The following PRKDC variants were observed in gnomAD, a reference collection of about 807,000 sequenced individuals.
PRKDC encodes protein kinase, DNA-activated, catalytic subunit.
In PRKDC, 82 loss-of-function variants were observed where a neutral mutation model predicts 486.9. The observed-to-expected ratio is 0.17, with a 90% CI of 0.14 to 0.20. PRKDC has a LOEUF of 0.20. PRKDC is among the 10% of genes least tolerant of loss of function. The pLI is 1.00. For synonymous variants in PRKDC, 1,895 were observed against 1,837.0 expected (o/e 1.03, Z -0.81); for missense variants, 4,504 against 5,038.2 (o/e 0.89, Z 3.21).
At chr8:47,956,662 CACTGCACT>C (rs1458075891) in intron 3 of PRKDC, among the ~76,000 whole-genome samples, 3 of 151,834 alleles carry the variant, frequency 2.0e-5, no homozygotes, top group Non-Finnish European at 4.4e-5. Context: ...ATGATTGCAC[CACTGCACT>C]CCAGCCTGGA....
Position 47,954,713 on chromosome 8 carries a change from G to C in PRKDC, c.400-267C>G, listed in dbSNP as rs1231204. On this transcript the variant is annotated intron_variant, in intron 4 of 85. Transcript: ENST00000314191. ...GGGAAGAATGCTCTAGGTGTGTTAC[G>C]TTCCCAAGAAACCAACAACATGACT... Among the ~76,000 whole-genome samples, 147,009 of 152,234 alleles carry C rather than the reference G, an allele frequency of 0.97. 70,996 individuals are homozygous for C. Among genetic ancestry groups the C allele is most frequent in the East Asian group, 1 (5,170 of 5,170 alleles).
At chr8:47,862,297 T>C (rs975658996) in intron 43 of PRKDC, 76 bp downstream of exon 43, 43 of 1,464,988 alleles carry the variant, frequency 2.9e-5, no homozygotes, top group Non-Finnish European at 3.9e-5. Flanking sequence ...GTATAAATTA[T>C]CTGTAAGTTT....
chr8:47,910,266 A>C (rs563669726), intron 25 of PRKDC, among the ~76,000 whole-genome samples: 1 of 152,222 alleles, frequency 6.6e-6, no homozygotes, highest in African/African-American at 2.4e-5. Flanking sequence ...CCCCTGGTCA[A>C]TAAGTATTTG....
chr8:47,897,060 T>C (rs771157164), intron 30 of PRKDC, 101 bp downstream of exon 30: 45 of 1,253,308 alleles, frequency 3.6e-5, no homozygotes, highest in Non-Finnish European at 4.8e-5. Context: ...CTGAATACCA[T>C]GTTAACTGCA....
At chr8:47,859,828 T>A in intron 45 of PRKDC, 69 bp from the exon 46 acceptor site, 2 of 1,408,220 alleles carry the variant, frequency 1.4e-6, no homozygotes, top group Non-Finnish European at 1.9e-6. Context: ...TTTCTCTAAA[T>A]TCAAATGATA....
Position 47,891,774 on chromosome 8 carries a change from T to C in PRKDC, c.3848-1294A>G, listed in dbSNP as rs541612542. Among the ~76,000 whole-genome samples the C allele has an allele frequency of 5.3e-5, 8 of 152,310 alleles. No homozygotes were observed. The East Asian group carries it at 5.8e-4, about 11-fold the overall frequency. On this transcript the variant is annotated intron_variant, in intron 31 of 85. Transcript: ENST00000314191. Reference sequence around the variant, plus strand: ...AAATATCCTTGAATCCAATAGAATATTGGATTGTAAGACACACTGCAACCA... The same window carrying C: ...AAATATCCTTGAATCCAATAGAATACTGGATTGTAAGACACACTGCAACCA...
At chr8:47,942,737 C>T (rs1264384214) in intron 10 of PRKDC, among the ~76,000 whole-genome samples, 1 of 152,230 alleles carries the variant, frequency 6.6e-6, no homozygotes, top group Non-Finnish European at 1.5e-5. Context: ...GTCTCCTCAG[C>T]CGACCAGACA....
chr8:47,797,810 A>C (rs974103832), intron 73 of PRKDC, among the ~76,000 whole-genome samples: 1 of 152,174 alleles, frequency 6.6e-6, no homozygotes, highest in Non-Finnish European at 1.5e-5. Context: ...CCCTCTGGAC[A>C]CCGTGCTGCT....
Position 47,794,315 on chromosome 8 carries a change from G to T in PRKDC, c.10645C>A (p.His3549Asn), listed in dbSNP as rs774139863. The change falls in exon 74 of 86, where the codon CAT becomes AAT. Residue 3549 changes from histidine (H) to asparagine (N), a missense_variant. Physicochemically the swap from His to Asn is moderately conservative, Grantham distance 68. Transcript: ENST00000314191. ...SYSFKDTSTG[H>N]KNKEFVARIK... ...CTTGCCACAAACTCCTTATTCTTAT[G>T]ACCAGTAGAAGTATCCTTGAAGGAA... is the stretch of plus-strand genomic sequence containing the variant. The T allele has an allele frequency of 7.4e-6, 12 of 1,612,706 alleles. No individual in the cohort carries two copies. The highest frequency in any genetic ancestry group is 5.5e-5 in the South Asian group (5 of 90,822).
rs2088951363 is a variant in PRKDC at position 47,871,436 on chromosome 8, T to C, written c.5363+6288A>G. ...CAGGCGAAGACAGAGTGGTATGACA[T>C]ATTGAAGATGTTGAAGGAAAAACAT... On this transcript the variant is annotated intron_variant, in intron 40 of 85. Coordinates refer to ENST00000314191, the MANE Select transcript of PRKDC (RefSeq NM_006904.7). Among the ~76,000 whole-genome samples, 3 of 152,306 alleles carry C rather than the reference T, an allele frequency of 2.0e-5. No individual in the cohort carries two copies. In the South Asian group the frequency reaches 6.2e-4, roughly 32 times the overall value.
At chr8:47,861,808 A>G (rs2154500683) in intron 44 of PRKDC, among the ~76,000 whole-genome samples, 1 of 152,350 alleles carries the variant, frequency 6.6e-6, no homozygotes, top group Admixed American at 6.5e-5. Context: ...CTTCTGGGAT[A>G]TGTCCTAACA....
In PRKDC at chr8:47,817,505, A is replaced by G. The variant is rs543895647; in HGVS notation, c.9502T>C (p.Tyr3168His). ...KRLLNTWTNR[Y>H]PDAKMDPMNI... The stretch of plus-strand genomic sequence containing the variant: ...ATTGGGTCCATTTTAGCATCTGGAT[A>G]TCTGTTTGTCCAGGTGTTCAGAAGT... Residue 3168 changes from tyrosine (Y) to histidine (H), a missense_variant, in exon 68 of 86, where the codon TAT (tyrosine) becomes CAT (histidine). Physicochemically the swap from Tyr to His is moderately conservative, Grantham distance 83. Coordinates refer to ENST00000314191, the MANE Select transcript of PRKDC (RefSeq NM_006904.7). 6.2e-7 allele frequency: 1 copy of G among 1,608,470 alleles called. No homozygotes were observed. The highest frequency in any genetic ancestry group is 1.7e-5 in the Admixed American group (1 of 59,300).
At chr8:47,776,237 C>T (rs187725153) in intron 85 of PRKDC, among the ~76,000 whole-genome samples, 33 of 152,272 alleles carry the variant, frequency 2.2e-4, no homozygotes, top group Non-Finnish European at 3.7e-4. Flanking sequence ...CTTTTGCCAG[C>T]GCTATTTGTT....
chr8:47,917,415 GAGA>G (rs375785747), intron 22 of PRKDC, among the ~76,000 whole-genome samples: 21 of 152,152 alleles, frequency 1.4e-4, no homozygotes, highest in African/African-American at 2.2e-4. Flanking sequence ...ATAATGAGGT[GAGA>G]AGAACTGACC....
chr8:47,890,727 T>C (rs1479683537), intron 31 of PRKDC, among the ~76,000 whole-genome samples: 1 of 152,210 alleles, frequency 6.6e-6, no homozygotes, highest in African/African-American at 2.4e-5. Context: ...TAAATTAATA[T>C]GCTCATTTTA....
chr8:47,835,783 G>A (rs1222497291), intron 58 of PRKDC, among the ~76,000 whole-genome samples: 1 of 149,454 alleles, frequency 6.7e-6, no homozygotes, highest in Non-Finnish European at 1.5e-5. Context: ...TTTTTTTTGA[G>A]ACAGGGCCTT....
At chr8:47,818,524 A>G (rs1292353658) in intron 67 of PRKDC, among the ~76,000 whole-genome samples, 1 of 142,966 alleles carries the variant, frequency 7.0e-6, no homozygotes, top group Non-Finnish European at 1.5e-5. Flanking sequence ...GCTTGCAGTG[A>G]GCCGAGATCC....
chr8:47,878,597 A>T (rs967488023), intron 39 of PRKDC, among the ~76,000 whole-genome samples: 16 of 152,206 alleles, frequency 1.1e-4, no homozygotes, highest in Non-Finnish European at 4.4e-5. Context: ...CGCTCCCCCG[A>T]TGTTCTCATC....
At chr8:47,926,953 A>G (rs2090166729) in intron 21 of PRKDC, 3 of 427,730 alleles carry the variant, frequency 7.0e-6, no homozygotes, top group Non-Finnish European at 1.2e-5. Flanking sequence ...TTGTCTTTGA[A>G]GATTTTATAA....
Sources: allele counts gnomAD v4.1 joint callset (sites outside exome capture counted in the v4.1 genomes callset), GRCh38; gene constraint gnomAD v4.1.1; transcripts MANE v1.5; gene names NCBI Gene and HGNC (gene_info 2026-07-23, HGNC 2026-07-21).